ACSF3: variants seen among roughly 807,000 people sequenced by gnomAD.
ACSF3 encodes the protein malonate--CoA ligase ACSF3, mitochondrial.
A neutral mutation model predicts 53.2 loss-of-function variants in ACSF3; 78 were observed. The observed-to-expected ratio is 1.47, with a 90% CI of 1.22 to 1.77. The LOEUF (loss-of-function observed/expected upper bound fraction) is 1.77. ACSF3 is among the 40% of genes most tolerant of loss of function. The pLI, the probability that ACSF3 is intolerant of heterozygous loss-of-function variation, is 0.00. For synonymous variants in ACSF3, 414 were observed against 333.1 expected (o/e 1.24, Z -2.65); for missense variants, 937 against 771.1 (o/e 1.22, Z -2.55).
chr16:89,142,473 G>C (rs1468709951), intron 8 of ACSF3, among the ~76,000 whole-genome samples: 3 of 151,806 alleles, frequency 2.0e-5, no homozygotes, highest in Non-Finnish European at 4.4e-5. Context: ...CACACCTGCT[G>C]AGATATAACA....
intron 8 of ACSF3, among the ~76,000 whole-genome samples, chr16:89,139,901 C>T (rs1250623648): frequency 1.3e-5 from 2 of 152,150 alleles, no homozygotes; most frequent in South Asian, 2.1e-4. Context: ...CCATGACCCC[C>T]TCTTTTTAAC....
At chr16:89,100,230 G>T (rs1185708060) in intron 2 of ACSF3, among the ~76,000 whole-genome samples, 5 of 152,268 alleles carry the variant, frequency 3.3e-5, no homozygotes, top group Non-Finnish European at 7.3e-5. Flanking sequence ...CTGCCCCGGG[G>T]GCGGGGTCTC....
intron 7 of ACSF3, among the ~76,000 whole-genome samples, chr16:89,128,066 G>A (rs1368995290): frequency 6.6e-6 from 1 of 151,464 alleles, no homozygotes; most frequent in Non-Finnish European, 1.5e-5. Context: ...TCTGTTTTCA[G>A]TTTCACTAGT....
At chr16:89,151,053 A>C in intron 10 of ACSF3, 1 of 1,289,056 alleles carries the variant, frequency 7.8e-7, no homozygotes, top group Non-Finnish European at 1.0e-6. Context: ...AACCAAGAGG[A>C]GAGAAAACAG....
At chr16:89,110,927 A>G (rs1976606311) in intron 4 of ACSF3, among the ~76,000 whole-genome samples, 1 of 151,528 alleles carries the variant, frequency 6.6e-6, no homozygotes, top group Non-Finnish European at 1.5e-5. Context: ...AGCCTAGATC[A>G]CCCCCGTTGA....
At chr16:89,148,174 A>G (rs1913471709) in intron 10 of ACSF3, 1 of 137,660 alleles carries the variant, frequency 7.3e-6, no homozygotes, top group Non-Finnish European at 1.5e-5. Context: ...GCATGATCTC[A>G]GCTTACTATA....
At chr16:89,094,533 G>C (rs1974384657) in intron 1 of ACSF3, among the ~76,000 whole-genome samples, 1 of 152,198 alleles carries the variant, frequency 6.6e-6, no homozygotes, top group Non-Finnish European at 1.5e-5. Context: ...TCCCTGGAGA[G>C]AGGGAAGGTT....
At chr16:89,099,113 C>T in intron 2 of ACSF3, among the ~76,000 whole-genome samples, 1 of 152,250 alleles carries the variant, frequency 6.6e-6, no homozygotes, top group Admixed American at 6.5e-5. Context: ...GCCAGGGATG[C>T]AGGAGCCTCG....
In ACSF3 at chr16:89,151,256, T is replaced by C. The variant is rs1415207748; in HGVS notation, c.1614-2834T>C. On this transcript the variant is annotated intron_variant, in intron 10 of 10. Transcript: ENST00000614302. ...AGACTGAACAGTTCTGAGTTACCAA[T>C]TTAAAACTGCAAAGCAAATAGCAGG... 6.7e-6 allele frequency: 3 copies of C among 450,290 alleles called. No individual in the cohort carries two copies. In the Admixed American group the frequency reaches 7.1e-5, roughly 11 times the overall value. 27.9% of individuals were successfully genotyped at this position (450,290 alleles called of 1,614,324 possible).
chr16:89,133,486 G>GC (rs1909767582), intron 8 of ACSF3, among the ~76,000 whole-genome samples: 1 of 152,150 alleles, frequency 6.6e-6, no homozygotes, highest in South Asian at 2.1e-4. Flanking sequence ...GTCCCTCAGT[G>GC]CCAGGGGCCC....
intron 6 of ACSF3, chr16:89,114,835 C>T: frequency 2.6e-6 from 1 of 378,240 alleles, no homozygotes; most frequent in Non-Finnish European, 5.1e-6. Flanking sequence ...CAGACCACAT[C>T]AGCAGTGGTG....
intron 7 of ACSF3, among the ~76,000 whole-genome samples, chr16:89,131,317 G>T (rs1439687177): frequency 1.3e-5 from 2 of 150,816 alleles, no homozygotes; most frequent in African/African-American, 4.9e-5. Flanking sequence ...GTAGAGACAG[G>T]GTTTTGCCAT....
In ACSF3 at chr16:89,100,646, C is replaced by T; in HGVS notation, c.-20-16C>T. The stretch of plus-strand genomic sequence containing the variant: ...GACAGTTGGGCACTCACGTCCTGTG[C>T]CTTGCCTTTCTCCAGCTCGGCCGCC... On this transcript the variant is annotated splice_polypyrimidine_tract_variant and intron_variant, in intron 2 of 10. Transcript: ENST00000614302. 4.0e-6 allele frequency: 2 copies of T among 495,296 alleles called. No homozygotes were observed. The highest frequency in any genetic ancestry group is 6.6e-6 in the Non-Finnish European group (2 of 304,422). The allele number at this position is 495,296 out of a possible 1,614,324, so 30.7% of individuals were successfully genotyped here. A position where few individuals can be genotyped will look rare whatever the true frequency, so the allele number is the denominator to read the frequency against.
At chr16:89,106,323 C>T (rs1225448423) in intron 4 of ACSF3, among the ~76,000 whole-genome samples, 3 of 148,540 alleles carry the variant, frequency 2.0e-5, no homozygotes, top group Non-Finnish European at 3.0e-5. Flanking sequence ...GATGGAGTCT[C>T]GCACTGTTAG....
In ACSF3 at chr16:89,101,344, TG is replaced by T; in HGVS notation, c.664del (p.Val222TrpfsTer2). ...VLSTHQNIRA[V>X]VTGLVHKWAW... is the part of the protein sequence containing the mutation. The stretch of plus-strand genomic sequence containing the variant: ...TGAGCACGCACCAAAACATCAGGGC[TG>T]TGGTGAGTGCCGCCTGGCGCCGTGA... On this transcript the variant is annotated frameshift_variant and splice_region_variant, in exon 3 of 11. Transcript: ENST00000614302. LOFTEE classifies it high-confidence loss of function. 2 of 1,582,002 alleles carry T rather than the reference TG, an allele frequency of 1.3e-6. No homozygotes were observed. The highest frequency in any genetic ancestry group is 1.7e-6 in the Non-Finnish European group (2 of 1,164,716).
At position 89,154,983 on chromosome 16, in the gene ACSF3, C is replaced by T. The variant is rs1397962563; in HGVS notation, c.*776C>T. The T allele has an allele frequency of 2.2e-6, 1 of 454,148 alleles. No homozygotes were observed. 28.1% of individuals were successfully genotyped at this position (454,148 alleles called of 1,614,324 possible). On this transcript the variant is annotated 3_prime_UTR_variant, in exon 11 of 11. Coordinates refer to ENST00000614302, the MANE Select transcript of ACSF3 (RefSeq NM_001243279.3). ...CCATCACCGTCTCCACCCAGACCCC[C>T]ACCTGCCCCATGGCCCCCATTTCAT...
chr16:89,119,996 G>A (rs1420231682), intron 6 of ACSF3, among the ~76,000 whole-genome samples: 2 of 152,218 alleles, frequency 1.3e-5, no homozygotes, highest in South Asian at 2.1e-4. Flanking sequence ...GAAGTCCCAC[G>A]TCTGCTCTGC....
rs76720146 is a variant in ACSF3 at position 89,112,485 on chromosome 16, C to T, written c.977+239C>T. Among the ~76,000 whole-genome samples the T allele has an allele frequency of 4.1e-3, 621 of 152,170 alleles. 2 individuals are homozygous for T. Among genetic ancestry groups the T allele is most frequent in the African/African-American group, 0.014 (586 of 41,512 alleles). On this transcript the variant is annotated intron_variant, in intron 5 of 10. Transcript: ENST00000614302. ...GTCGATAGCTGCCTGGATTCTGTAT[C>T]GCTCTCTCTGTCACACTCTGTCTCT...
chr16:89,145,800 T>G (rs1305248493), intron 9 of ACSF3, 138 bp from the exon 10 acceptor site: 2 of 811,726 alleles, frequency 2.5e-6, no homozygotes, highest in Non-Finnish European at 4.3e-6. Flanking sequence ...CCAGGACGAG[T>G]GATTGGAGTG....
Sources: allele counts gnomAD v4.1 joint callset (sites outside exome capture counted in the v4.1 genomes callset), GRCh38; gene constraint gnomAD v4.1.1; transcripts MANE v1.5; gene names NCBI Gene and HGNC (gene_info 2026-07-23, HGNC 2026-07-21).